Variants in NRXN1 observed in about 807,000 individuals in gnomAD.
NRXN1 encodes neurexin 1.
A neutral mutation model predicts 150.9 loss-of-function variants in NRXN1; 39 were observed. The ratio of observed to expected loss-of-function variants is 0.26; its 90% confidence interval spans 0.20 to 0.34. The LOEUF (loss-of-function observed/expected upper bound fraction) is 0.34, where lower values mean the gene tolerates loss of function less well. Ranked by LOEUF, NRXN1 falls within the 10% of genes least tolerant of loss-of-function variation. NRXN1 has a pLI of 1.00. For missense variants in NRXN1, 1,815 were observed against 1,949.9 expected (o/e 0.93, Z 1.30); for synonymous variants, 924 against 757.0 (o/e 1.22, Z -3.62).
chr2:50,079,126 T>C (rs1173460205), intron 19 of NRXN1, among the ~76,000 whole-genome samples: 1 of 152,106 alleles, frequency 6.6e-6, no homozygotes, highest in Non-Finnish European at 1.5e-5. Flanking sequence ...TTTATATCTC[T>C]ATGGGTTCAT....
At chr2:50,175,882 T>C (rs1353329401) in intron 18 of NRXN1, among the ~76,000 whole-genome samples, 1 of 152,176 alleles carries the variant, frequency 6.6e-6, no homozygotes, top group Non-Finnish European at 1.5e-5. Flanking sequence ...CAGGTAATTC[T>C]GCACATTTTC....
At chr2:50,401,629 A>G (rs2103944180) in intron 17 of NRXN1, among the ~76,000 whole-genome samples, 1 of 152,252 alleles carries the variant, frequency 6.6e-6, no homozygotes, top group South Asian at 2.1e-4. Context: ...AATTGGTTAT[A>G]TTAATAGCTA....
At chr2:50,841,699 T>A (rs1386329128) in intron 5 of NRXN1, among the ~76,000 whole-genome samples, 1 of 152,238 alleles carries the variant, frequency 6.6e-6, no homozygotes, top group Non-Finnish European at 1.5e-5. Context: ...ATCTAACATT[T>A]CTGTTATGTC....
intron 8 of NRXN1, among the ~76,000 whole-genome samples, chr2:50,605,541 T>C (rs1676958393): frequency 6.6e-6 from 1 of 152,080 alleles, no homozygotes. Context: ...ATACCCAACG[T>C]CAGTAATCAC....
chr2:50,026,859 C>CTTTCTTT (rs1688381537), intron 21 of NRXN1, among the ~76,000 whole-genome samples: 2 of 65,234 alleles, frequency 3.1e-5, no homozygotes, highest in Non-Finnish European at 5.3e-5. Context: ...CTTTTCTTTT[C>CTTTCTTT]TTTTTTTTTT....
intron 5 of NRXN1, among the ~76,000 whole-genome samples, chr2:50,757,725 C>A (rs1463912197): frequency 1.3e-5 from 2 of 151,684 alleles, no homozygotes; most frequent in African/African-American, 4.8e-5. Flanking sequence ...TTTGATTGGG[C>A]ATGACCAGGA....
chr2:50,938,191 T>A (rs1005633777), intron 2 of NRXN1, among the ~76,000 whole-genome samples: 3 of 152,154 alleles, frequency 2.0e-5, no homozygotes, highest in African/African-American at 7.2e-5. Flanking sequence ...CCTAGGACAT[T>A]ACTATACACT....
chr2:50,006,071 T>A (rs543080908), intron 21 of NRXN1, among the ~76,000 whole-genome samples: 1 of 152,260 alleles, frequency 6.6e-6, no homozygotes, highest in South Asian at 2.1e-4. Flanking sequence ...ATAACATAAA[T>A]CAATCCTCAG....
At chr2:50,262,628 A>G (rs2068408114) in intron 17 of NRXN1, among the ~76,000 whole-genome samples, 1 of 151,972 alleles carries the variant, frequency 6.6e-6, no homozygotes, top group Non-Finnish European at 1.5e-5. Flanking sequence ...AGTAGGTTCT[A>G]TTGTCATAAA....
chr2:50,945,897 T>TAC (rs1334585653), intron 2 of NRXN1, among the ~76,000 whole-genome samples: 25 of 143,916 alleles, frequency 1.7e-4, no homozygotes, highest in African/African-American at 4.6e-4. Flanking sequence ...TATATATATA[T>TAC]ATACACACAC....
chr2:50,184,228 C>T (rs2060922472), intron 18 of NRXN1, among the ~76,000 whole-genome samples: 1 of 151,974 alleles, frequency 6.6e-6, no homozygotes, highest in Admixed American at 6.6e-5. Context: ...ATAAGCAAAT[C>T]TATATTTTCA....
At chr2:50,544,663 T>G (rs545002623) in intron 9 of NRXN1, among the ~76,000 whole-genome samples, 1 of 152,208 alleles carries the variant, frequency 6.6e-6, no homozygotes, top group African/African-American at 2.4e-5. Context: ...GAATGTAAAT[T>G]GAAACAGCAG....
chr2:50,816,960 A>C (rs557408446), intron 5 of NRXN1, among the ~76,000 whole-genome samples: 2 of 152,246 alleles, frequency 1.3e-5, no homozygotes, highest in African/African-American at 4.8e-5. Context: ...CTTTGAGTTT[A>C]AAACTGTTAG....
chr2:50,951,147 C>A (rs1691260874), intron 2 of NRXN1, among the ~76,000 whole-genome samples: 1 of 152,154 alleles, frequency 6.6e-6, no homozygotes, highest in Non-Finnish European at 1.5e-5. Context: ...GAATAGGTTA[C>A]AGCTCAGGAT....
intron 5 of NRXN1, among the ~76,000 whole-genome samples, chr2:50,850,042 C>CAAAAATTAAAG (rs1335609609): frequency 6.6e-6 from 1 of 151,446 alleles, no homozygotes; most frequent in African/African-American, 2.4e-5. Context: ...CTCACTTCTA[C>CAAAAATTAAAG]AAAAATTAAA....
intron 2 of NRXN1, among the ~76,000 whole-genome samples, chr2:50,945,687 A>G (rs1018361819): frequency 1.3e-5 from 2 of 151,768 alleles, no homozygotes; most frequent in Non-Finnish European, 2.9e-5. Flanking sequence ...ATAATCTTAG[A>G]AAATCAATAT....
intron 17 of NRXN1, among the ~76,000 whole-genome samples, chr2:50,400,421 C>T (rs1016971490): frequency 2.6e-5 from 4 of 151,918 alleles, no homozygotes; most frequent in South Asian, 2.1e-4. Flanking sequence ...TCAGAAACGC[C>T]GTTGCTCATA....
At chr2:50,054,634 T>C (rs542967863) in intron 20 of NRXN1, among the ~76,000 whole-genome samples, 3 of 152,294 alleles carry the variant, frequency 2.0e-5, no homozygotes, top group African/African-American at 7.2e-5. Context: ...ACATGTAATA[T>C]AGTCTATGAA....
intron 17 of NRXN1, among the ~76,000 whole-genome samples, chr2:50,414,450 T>TA (rs2083400475): frequency 1.3e-5 from 2 of 152,126 alleles, no homozygotes; most frequent in Admixed American, 1.3e-4. Context: ...ATACCTACTA[T>TA]ATACACACAA....
Sources: gnomAD v4.1 joint callset for allele counts (sites outside exome capture counted in the v4.1 genomes callset) on GRCh38, gnomAD v4.1.1 for gene constraint, MANE v1.5 for transcripts, NCBI Gene and HGNC (gene_info 2026-07-23, HGNC 2026-07-21) for gene names.